Variants in NPEPPS observed in about 807,000 individuals in gnomAD.
The protein encoded by NPEPPS is aminopeptidase puromycin sensitive.
In NPEPPS, 14 loss-of-function variants were observed where a neutral mutation model predicts 115.5. That is an observed-to-expected ratio of 0.12 (90% confidence interval 0.08 to 0.19). NPEPPS has a LOEUF of 0.19. Ranked by LOEUF, NPEPPS falls within the 10% of genes least tolerant of loss-of-function variation. NPEPPS has a pLI of 1.00. For missense variants in NPEPPS, 523 were observed against 1,110.8 expected (o/e 0.47, Z 7.52); for synonymous variants, 285 against 390.6 (o/e 0.73, Z 3.19).
At chr17:47,571,174 G>A (rs1015038381) in intron 3 of NPEPPS, among the ~76,000 whole-genome samples, 2 of 152,118 alleles carry the variant, frequency 1.3e-5, no homozygotes, top group African/African-American at 4.8e-5. Flanking sequence ...AACTTGAAAA[G>A]CAGAATATAA....
chr17:47,602,322 C>T (rs1295395188), intron 15 of NPEPPS, among the ~76,000 whole-genome samples: 3 of 151,680 alleles, frequency 2.0e-5, no homozygotes, highest in Non-Finnish European at 2.9e-5. Context: ...GACATTTGTG[C>T]TTTTTTTTAA....
intron 21 of NPEPPS, 28 bp from the exon 22 acceptor site, chr17:47,619,709 C>T (rs927194449): frequency 1.7e-5 from 28 of 1,600,350 alleles, no homozygotes; most frequent in Non-Finnish European, 2.4e-5. Context: ...CTTGGTTTCA[C>T]TTACTGTTTA....
intron 19 of NPEPPS, among the ~76,000 whole-genome samples, chr17:47,614,197 G>T (rs1342702219): frequency 6.6e-6 from 1 of 152,028 alleles, no homozygotes; most frequent in Non-Finnish European, 1.5e-5. Flanking sequence ...TCAAATTCCT[G>T]GGGTCAAGTG....
chr17:47,543,602 C>T (rs1277563800), intron 1 of NPEPPS, among the ~76,000 whole-genome samples: 2 of 151,520 alleles, frequency 1.3e-5, no homozygotes, highest in African/African-American at 4.9e-5. Context: ...GCTGGGATTA[C>T]AGGCGTGAGC....
rs558714475 is a variant in NPEPPS at position 47,557,936 on chromosome 17, G to GTT, written c.341-11467_341-11466dup. Among the ~76,000 whole-genome samples, 47 of 133,144 alleles carry GTT rather than the reference G, an allele frequency of 3.5e-4. 1 individual carries two copies. Among genetic ancestry groups the GTT allele is most frequent in the Non-Finnish European group, 5.1e-4 (31 of 60,286 alleles). The allele number at this position is 133,144 out of a possible 152,430, so 87.3% of individuals were successfully genotyped here. A position where few individuals can be genotyped will look rare whatever the true frequency, so the allele number is the denominator to read the frequency against. On this transcript the variant is annotated intron_variant, in intron 2 of 22. Transcript: ENST00000322157. ...CCAGGCAATTATGATTTGATTCCAT[G>GTT]TTTTTTTTTTTTTTTGTACAGTCTC...
chr17:47,583,194 T>C (rs1317322199), intron 5 of NPEPPS, among the ~76,000 whole-genome samples: 2 of 152,082 alleles, frequency 1.3e-5, no homozygotes, highest in Non-Finnish European at 2.9e-5. Context: ...ATTTTCTCTT[T>C]GTCAAATTCC....
At chr17:47,556,688 G>C (rs1910060385) in intron 2 of NPEPPS, among the ~76,000 whole-genome samples, 1 of 152,180 alleles carries the variant, frequency 6.6e-6, no homozygotes, top group Admixed American at 6.5e-5. Context: ...CTCCCGGACG[G>C]GGCGGCTGGC....
intron 1 of NPEPPS, among the ~76,000 whole-genome samples, chr17:47,524,654 C>T (rs1907355412): frequency 9.6e-6 from 1 of 103,906 alleles, no homozygotes; most frequent in Non-Finnish European, 1.9e-5. Flanking sequence ...GCCACCACGC[C>T]TGGCTAATTT....
rs1187085561 is a variant in NPEPPS, at chr17:47,619,085, C to T, written c.2480C>T (p.Ala827Val). The stretch of plus-strand genomic sequence containing the variant: ...GGCAGCAAGCATGGTAGGAAAGCTG[C>T]TTGGAAATTCATAAAGGACAACTGG... ...AGGSKHGRKA[A>V]WKFIKDNWEE... Residue 827 changes from alanine to valine, a missense_variant, in exon 21 of 23, where the codon GCT (alanine) becomes GTT (valine). Ala to Val is a moderately conservative substitution (Grantham distance 64). Transcript: ENST00000322157. 2.5e-6 allele frequency: 4 copies of T among 1,613,808 alleles called. No individual in the cohort carries two copies. Among genetic ancestry groups the T allele is most frequent in the Admixed American group, 1.7e-5 (1 of 59,988 alleles).
intron 3 of NPEPPS, among the ~76,000 whole-genome samples, chr17:47,571,673 G>T (rs1364506479): frequency 1.3e-5 from 2 of 152,056 alleles, no homozygotes; most frequent in Non-Finnish European, 2.9e-5. Context: ...AGCCGAGATC[G>T]CACCACTGCA....
chr17:47,596,199 G>T (rs781603970), intron 12 of NPEPPS, 154 bp from the exon 13 acceptor site: 9 of 530,232 alleles, frequency 1.7e-5, no homozygotes, highest in Admixed American at 3.4e-5. Context: ...TGCAGAAGAG[G>T]GGTGGCAAGG....
chr17:47,546,274 A>G (rs1248007385), intron 2 of NPEPPS, among the ~76,000 whole-genome samples: 2 of 152,034 alleles, frequency 1.3e-5, no homozygotes, highest in African/African-American at 4.8e-5. Context: ...ACAAACAGAA[A>G]TATTAGCTAG....
At chr17:47,552,281 C>CT (rs762961252) in intron 2 of NPEPPS, among the ~76,000 whole-genome samples, 3 of 152,112 alleles carry the variant, frequency 2.0e-5, no homozygotes, top group Non-Finnish European at 4.4e-5. Context: ...GATTTCTATG[C>CT]TTATCTGTGA....
In NPEPPS at chr17:47,533,708, G is replaced by A. The variant is rs189135182; in HGVS notation, c.255+2153G>A. ...TCCTTACCTCTTTTCTACTTTTGTG[G>A]AAGACTGGTTTGTGCCATTGAGTGA... On this transcript the variant is annotated intron_variant, in intron 1 of 22. Transcript: ENST00000322157. Among the ~76,000 whole-genome samples the A allele has an allele frequency of 4.2e-3, 646 of 152,130 alleles. 4 individuals carry two copies. The Middle Eastern group carries it at 0.048, about 11-fold the overall frequency.
intron 1 of NPEPPS, among the ~76,000 whole-genome samples, chr17:47,540,656 A>T (rs1908685898): frequency 1.3e-5 from 2 of 152,214 alleles, no homozygotes; most frequent in Admixed American, 1.3e-4. Flanking sequence ...TATCATTCTG[A>T]TCAGAAGCTT....
At chr17:47,613,234 A>G (rs1425449369) in intron 18 of NPEPPS, among the ~76,000 whole-genome samples, 1 of 149,534 alleles carries the variant, frequency 6.7e-6, no homozygotes, top group African/African-American at 2.5e-5. Context: ...TACAGTTTGT[A>G]ATATTCACAT....
intron 13 of NPEPPS, among the ~76,000 whole-genome samples, chr17:47,597,472 ATG>A (rs944745056): frequency 8.5e-5 from 13 of 152,170 alleles, no homozygotes; most frequent in African/African-American, 3.1e-4. Context: ...CTTTTTTAGT[ATG>A]TGTTTTTTCT....
At chr17:47,564,859 T>C (rs1400037318) in intron 2 of NPEPPS, among the ~76,000 whole-genome samples, 1 of 151,950 alleles carries the variant, frequency 6.6e-6, no homozygotes, top group Non-Finnish European at 1.5e-5. Flanking sequence ...GTATATTATG[T>C]TGTGACTGGA....
chr17:47,553,146 C>T (rs1276193955), intron 2 of NPEPPS, among the ~76,000 whole-genome samples: 4 of 151,882 alleles, frequency 2.6e-5, no homozygotes, highest in African/African-American at 9.7e-5. Flanking sequence ...GCGGGCGGCT[C>T]ACCTAAGGTC....
Sources: gnomAD v4.1 joint callset for allele counts (sites outside exome capture counted in the v4.1 genomes callset) on GRCh38, gnomAD v4.1.1 for gene constraint, MANE v1.5 for transcripts, NCBI Gene and HGNC (gene_info 2026-07-23, HGNC 2026-07-21) for gene names.